The following MAPRE2 variants were observed in gnomAD, a reference collection of about 807,000 sequenced individuals.
The protein encoded by MAPRE2 is microtubule-associated protein RP/EB family member 2.
In MAPRE2, 13 loss-of-function variants were observed where a neutral mutation model predicts 43.2. That is an observed-to-expected ratio of 0.30 (90% confidence interval 0.20 to 0.48). The LOEUF is 0.48. Among genes scored for constraint, MAPRE2 ranks in the 20% least tolerant of loss-of-function variants. MAPRE2 has a pLI of 0.99. For missense variants in MAPRE2, 161 were observed against 400.2 expected (o/e 0.40, Z 5.10); for synonymous variants, 135 against 148.8 (o/e 0.91, Z 0.68).
chr18:35,129,682 A>G (rs984395373), intron 5 of MAPRE2, among the ~76,000 whole-genome samples: 2 of 152,188 alleles, frequency 1.3e-5, no homozygotes, highest in Non-Finnish European at 2.9e-5. Context: ...GGGGCCACGG[A>G]TGGGTGTCGA....
intron 2 of MAPRE2, among the ~76,000 whole-genome samples, chr18:35,034,698 A>G (rs892319863): frequency 3.9e-5 from 6 of 152,308 alleles, no homozygotes; most frequent in East Asian, 1.9e-4. Context: ...AAAAGTGGGC[A>G]AAGGACATGA....
chr18:35,031,289 G>A (rs1296335237), intron 2 of MAPRE2, among the ~76,000 whole-genome samples: 1 of 152,202 alleles, frequency 6.6e-6, no homozygotes, highest in East Asian at 1.9e-4. Flanking sequence ...TAGAATGAAT[G>A]ATTGAGGACT....
At chr18:34,986,421 G>GA (rs1057484199) in intron 1 of MAPRE2, among the ~76,000 whole-genome samples, 1 of 151,964 alleles carries the variant, frequency 6.6e-6, no homozygotes, top group African/African-American at 2.4e-5. Context: ...CCATAAAGTG[G>GA]AAAAAAAGAG....
At chr18:35,130,131 C>T in intron 5 of MAPRE2, among the ~76,000 whole-genome samples, 1 of 151,088 alleles carries the variant, frequency 6.6e-6, no homozygotes, top group East Asian at 1.9e-4. Flanking sequence ...TGGATGTGTC[C>T]TTGCCTGGTA....
chr18:35,049,939 C>T lies in MAPRE2; in HGVS notation c.122+8278C>T, dbSNP rs189611071. On this transcript the variant is annotated intron_variant, in intron 1 of 6. Coordinates refer to ENST00000300249, the MANE Select transcript of MAPRE2 (RefSeq NM_014268.4). ...AGTTCATTTCTGCTTTTCAAAAAGTCGAGGAAAAGTAAAAGGCTTATTTAT... is the reference window on the plus strand; with the variant it reads ...AGTTCATTTCTGCTTTTCAAAAAGTTGAGGAAAAGTAAAAGGCTTATTTAT... Among the ~76,000 whole-genome samples, 95 of 152,008 alleles carry T rather than the reference C, an allele frequency of 6.2e-4. 1 individual carries two copies. The highest frequency in any genetic ancestry group is 1.8e-3 in the Admixed American group (28 of 15,280).
intron 2 of MAPRE2, among the ~76,000 whole-genome samples, chr18:35,035,836 T>C (rs966411713): frequency 7.3e-6 from 1 of 137,336 alleles, no homozygotes; most frequent in African/African-American, 2.7e-5. Context: ...CTTTAAAGAG[T>C]TTCATCTCGG....
At chr18:35,123,482 G>A (rs1197348195) in intron 4 of MAPRE2, among the ~76,000 whole-genome samples, 4 of 152,200 alleles carry the variant, frequency 2.6e-5, no homozygotes, top group Non-Finnish European at 5.9e-5. Flanking sequence ...TCCCTCAGGA[G>A]GGGCCAGTGA....
intron 1 of MAPRE2, among the ~76,000 whole-genome samples, chr18:34,983,552 T>C (rs2097017483): frequency 1.3e-5 from 2 of 152,222 alleles, no homozygotes; most frequent in African/African-American, 4.8e-5. Flanking sequence ...TTATTCACTG[T>C]CACTTCCAAC....
Position 35,132,207 on chromosome 18 carries a change from T to C in MAPRE2, c.909+17T>C, listed in dbSNP as rs369721327. 6.2e-7 allele frequency: 1 copy of C among 1,612,130 alleles called. No individual in the cohort carries two copies. The highest frequency in any genetic ancestry group is 8.5e-7 in the Non-Finnish European group (1 of 1,178,714). On this transcript the variant is annotated intron_variant, in intron 6 of 6. Coordinates refer to ENST00000300249, the MANE Select transcript of MAPRE2 (RefSeq NM_014268.4). ...GAAGAACACGTAAGTGTGAGGAGCATGTGACTCCTGTGTTCTAAAATGACT... is the reference window on the plus strand; with the variant it reads ...GAAGAACACGTAAGTGTGAGGAGCACGTGACTCCTGTGTTCTAAAATGACT...
chr18:35,024,390 G>A (rs1453099495), intron 2 of MAPRE2, among the ~76,000 whole-genome samples: 1 of 152,180 alleles, frequency 6.6e-6, no homozygotes, highest in Non-Finnish European at 1.5e-5. Flanking sequence ...CAGCATCCTT[G>A]ACTCATGAAG....
intron 2 of MAPRE2, among the ~76,000 whole-genome samples, chr18:35,026,856 A>G (rs1678364544): frequency 6.6e-6 from 1 of 152,116 alleles, no homozygotes; most frequent in African/African-American, 2.4e-5. Context: ...CTTCAAGGAC[A>G]CTCACCAGCT....
Position 35,102,076 on chromosome 18 carries a change from A to G in MAPRE2, c.527A>G (p.Gln176Arg). 1 of 1,613,350 alleles carries G rather than the reference A, an allele frequency of 6.2e-7. No homozygotes were observed. The part of the protein sequence containing the change: ...EYDPVEARQG[Q>R]DAIPPPDPGE... ...GATCCTGTAGAGGCACGACAAGGGC[A>G]AGATGCAATTCCTCCTCCTGACCCT... The change falls in exon 4 of 7, where the codon CAA (glutamine) becomes CGA (arginine). Residue 176 changes from glutamine (Q) to arginine (R), a missense_variant. By Grantham distance (43) the Gln-to-Arg change is conservative. Coordinates refer to ENST00000300249, the MANE Select transcript of MAPRE2 (RefSeq NM_014268.4).
intron 1 of MAPRE2, chr18:34,988,558 G>A (rs1568963366): frequency 1.3e-5 from 2 of 152,312 alleles, no homozygotes; most frequent in East Asian, 3.9e-4. Context: ...GTACAGTGAT[G>A]TCCTAAGACT....
At chr18:35,132,302 C>T (rs1298297315) in intron 6 of MAPRE2, 112 bp downstream of exon 6, 30 of 943,864 alleles carry the variant, frequency 3.2e-5, no homozygotes, top group Non-Finnish European at 9.5e-6. Flanking sequence ...AGAATTACTG[C>T]TCAGCCAAGT....
At chr18:35,082,706 C>T (rs1449706231) in intron 2 of MAPRE2, among the ~76,000 whole-genome samples, 1 of 152,016 alleles carries the variant, frequency 6.6e-6, no homozygotes, top group Non-Finnish European at 1.5e-5. Context: ...CTTCAGCATT[C>T]GGAGTTAAGC....
intron 1 of MAPRE2, among the ~76,000 whole-genome samples, chr18:34,983,517 A>G (rs1483062375): frequency 6.6e-6 from 1 of 152,170 alleles, no homozygotes; most frequent in East Asian, 1.9e-4. Flanking sequence ...CATAATTTGG[A>G]AATTTATTCA....
At chr18:35,128,590 G>A (rs527813628) in intron 5 of MAPRE2, among the ~76,000 whole-genome samples, 1 of 152,184 alleles carries the variant, frequency 6.6e-6, no homozygotes, top group Non-Finnish European at 1.5e-5. Flanking sequence ...GAGTATGTGC[G>A]TAGGTTGTAT....
chr18:35,082,669 T>TA (rs1333827270), intron 2 of MAPRE2, among the ~76,000 whole-genome samples: 3 of 152,134 alleles, frequency 2.0e-5, no homozygotes, highest in African/African-American at 7.2e-5. Flanking sequence ...TACAAAGCCT[T>TA]ACGCTCATTG....
At chr18:35,119,118 G>A (rs1051077321) in intron 4 of MAPRE2, among the ~76,000 whole-genome samples, 6 of 152,114 alleles carry the variant, frequency 3.9e-5, no homozygotes, top group African/African-American at 1.2e-4. Context: ...CTCGCCTCCC[G>A]TGTCTGTGCC....
Sources: gnomAD v4.1 joint callset for allele counts (sites outside exome capture counted in the v4.1 genomes callset) on GRCh38, gnomAD v4.1.1 for gene constraint, MANE v1.5 for transcripts, NCBI Gene and HGNC (gene_info 2026-07-23, HGNC 2026-07-21) for gene names.